PCDHGA4: variants seen among roughly 807,000 people sequenced by gnomAD.
PCDHGA4 encodes the protein protocadherin gamma-A4.
In PCDHGA4, 38 loss-of-function variants were observed where a neutral mutation model predicts 54.6. The ratio of observed to expected loss-of-function variants is 0.70; its 90% confidence interval spans 0.54 to 0.91. The LOEUF (loss-of-function observed/expected upper bound fraction) is 0.91. Among genes scored for constraint, PCDHGA4 ranks in the 40% least tolerant of loss-of-function variants. PCDHGA4 has a pLI of 0.00. For synonymous variants in PCDHGA4, 511 were observed against 512.9 expected (o/e 1.00, Z 0.05); for missense variants, 1,298 against 1,220.9 (o/e 1.06, Z -0.94).
intron 1 of PCDHGA4, among the ~76,000 whole-genome samples, chr5:141,406,837 CA>C (rs1174898109): frequency 6.6e-6 from 1 of 152,170 alleles, no homozygotes; most frequent in Non-Finnish European, 1.5e-5. Flanking sequence ...ACTTGCATAT[CA>C]GATATAATTT....
At chr5:141,469,314 C>A (rs982242861) in intron 1 of PCDHGA4, among the ~76,000 whole-genome samples, 1 of 151,982 alleles carries the variant, frequency 6.6e-6, no homozygotes, top group Non-Finnish European at 1.5e-5. Flanking sequence ...CGATGGCTCA[C>A]GCCTGTAATC....
Position 141,486,274 on chromosome 5 carries a change from T to A in PCDHGA4, c.2515-8533T>A. On this transcript the variant is annotated intron_variant, in intron 1 of 3. Coordinates refer to ENST00000571252, the MANE Select transcript of PCDHGA4 (RefSeq NM_018917.4). The surrounding 1 kb of genome is among the most constrained non-coding windows in gnomAD (Gnocchi z 5.0). ...TCCCCGAGAGTGCAGAACCTGGCAC[T>A]GTGGTGGCACTTATCAGTGTGCAGG... is the stretch of plus-strand genomic sequence containing the variant. 5 of 1,614,064 alleles carry A rather than the reference T, an allele frequency of 3.1e-6. No homozygotes were observed. The highest frequency in any genetic ancestry group is 4.2e-6 in the Non-Finnish European group (5 of 1,179,998).
chr5:141,378,155 T>C (rs1471483193), intron 1 of PCDHGA4: 1 of 152,258 alleles, frequency 6.6e-6, no homozygotes, highest in Non-Finnish European at 1.5e-5. Flanking sequence ...AATTATTGGG[T>C]TGTTAACAAT....
chr5:141,409,824 C>T (rs1265260597), intron 1 of PCDHGA4: 1 of 1,610,860 alleles, frequency 6.2e-7, no homozygotes, highest in Non-Finnish European at 8.5e-7. Flanking sequence ...GGCTCGCCCA[C>T]GCTCAGCGCC....
chr5:141,477,059 A>G lies in PCDHGA4; in HGVS notation c.2515-17748A>G. On this transcript the variant is annotated intron_variant, in intron 1 of 3. Coordinates refer to ENST00000571252, the MANE Select transcript of PCDHGA4 (RefSeq NM_018917.4). This position sits in a 1 kb window ranked among gnomAD's most constrained non-coding sequence, Gnocchi z 4.9. ...CAAGGGTCGGCTGGACTTCGAGGAC[A>G]CCAAACTCCATGAGATTTACATCCA... The G allele has an allele frequency of 1.2e-6, 2 of 1,614,238 alleles. No individual in the cohort carries two copies. Among genetic ancestry groups the G allele is most frequent in the Non-Finnish European group, 1.7e-6 (2 of 1,180,036 alleles).
rs756549446 is a variant in PCDHGA4 at position 141,477,301 on chromosome 5, C to G, written c.2515-17506C>G. 32 of 1,614,042 alleles carry G rather than the reference C, an allele frequency of 2.0e-5. 2 individuals carry two copies. In the South Asian group the frequency reaches 3.4e-4, roughly 17 times the overall value. On this transcript the variant is annotated intron_variant, in intron 1 of 3. Coordinates refer to ENST00000571252, the MANE Select transcript of PCDHGA4 (RefSeq NM_018917.4). The surrounding 1 kb of genome is among the most constrained non-coding windows in gnomAD (Gnocchi z 4.9). The stretch of plus-strand genomic sequence containing the variant: ...TGACCTGCGAAGTTCCACCGGGTCT[C>G]CCTTTCAGCCTTACTTCTTCCCTCA...
chr5:141,477,245 A>G lies in PCDHGA4; in HGVS notation c.2515-17562A>G. On this transcript the variant is annotated intron_variant, in intron 1 of 3. Transcript: ENST00000571252. The surrounding 1 kb of genome is among the most constrained non-coding windows in gnomAD (Gnocchi z 4.9). ...GACTGTCATCGCTTTGCTCAGTGTG[A>G]CTGACCTGGATGCTGGCGAGAACGG... 3.7e-6 allele frequency: 6 copies of G among 1,614,128 alleles called. No homozygotes were observed. The highest frequency in any genetic ancestry group is 5.1e-6 in the Non-Finnish European group (6 of 1,180,026).
At chr5:141,372,180 G>C in intron 1 of PCDHGA4, 1 of 1,613,652 alleles carries the variant, frequency 6.2e-7, no homozygotes, top group South Asian at 1.1e-5. Flanking sequence ...GGCGGTGGAC[G>C]CAGACTCGGG....
chr5:141,472,980 C>CAAAAAAAAAAAAAAAAAGAAAAAAAAA (rs2099309731), intron 1 of PCDHGA4, among the ~76,000 whole-genome samples: 1 of 86,106 alleles, frequency 1.2e-5, no homozygotes, highest in Non-Finnish European at 2.5e-5. Flanking sequence ...GAGTGAAACT[C>CAAAAAAAAAAAAAAAAAGAAAAAAAAA]AAAAAAAAAA....
intron 1 of PCDHGA4, 113 bp downstream of exon 1, chr5:141,357,734 T>G: frequency 7.5e-7 from 1 of 1,340,180 alleles, no homozygotes. Context: ...TTTAATATTT[T>G]ATTGCTTTAA....
At chr5:141,372,782 G>A (rs761699184) in intron 1 of PCDHGA4, 19 of 1,608,122 alleles carry the variant, frequency 1.2e-5, no homozygotes, top group African/African-American at 5.3e-5. Flanking sequence ...ATCCAGAAAT[G>A]CCTTCTAATT....
rs779949817 is a variant in PCDHGA4 at position 141,487,266 on chromosome 5, T to G, written c.2515-7541T>G. The G allele has an allele frequency of 6.2e-7, 1 of 1,614,054 alleles. No individual in the cohort carries two copies. The highest frequency in any genetic ancestry group is 8.5e-7 in the Non-Finnish European group (1 of 1,180,044). On this transcript the variant is annotated intron_variant, in intron 1 of 3. Transcript: ENST00000571252. This position sits in a 1 kb window ranked among gnomAD's most constrained non-coding sequence, Gnocchi z 5.0. The stretch of plus-strand genomic sequence containing the variant: ...ACCCTCTACTTGGCTGTGTCCCTAG[T>G]GGCAATTTGCTTTGTCTCCTTTGGC...
chr5:141,355,264 G>A lies in PCDHGA4; in HGVS notation c.157G>A (p.Val53Ile), dbSNP rs201894028. The A allele has an allele frequency of 1.2e-5, 19 of 1,613,482 alleles. No homozygotes were observed. Among genetic ancestry groups the A allele is most frequent in the African/African-American group, 9.3e-5 (7 of 74,932 alleles). ...RLLQICLLLG[V>I]LVEIRAEQIL... ...GCTCCAGATCTGCCTTCTCCTGGGG[G>A]TTCTGGTGGAAATCAGGGCCGAACA... is the stretch of plus-strand genomic sequence containing the variant. Residue 53 changes from valine to isoleucine, a missense_variant, in exon 1 of 4, where the codon GTT becomes ATT. Transcript: ENST00000571252.
chr5:141,504,077 G>A (rs939470644), intron 2 of PCDHGA4, among the ~76,000 whole-genome samples: 3 of 152,124 alleles, frequency 2.0e-5, no homozygotes, highest in Non-Finnish European at 2.9e-5. Context: ...GCCAGATGGT[G>A]CCAAACAGTT....
In PCDHGA4 at chr5:141,489,504, A is replaced by G. The variant is rs148241772; in HGVS notation, c.2515-5303A>G. 193 of 1,614,016 alleles carry G rather than the reference A, an allele frequency of 1.2e-4. No individual in the cohort carries two copies. Among genetic ancestry groups the G allele is most frequent in the Non-Finnish European group, 1.6e-4 (184 of 1,180,046 alleles). On this transcript the variant is annotated intron_variant, in intron 1 of 3. Transcript: ENST00000571252. The surrounding 1 kb of genome is among the most constrained non-coding windows in gnomAD (Gnocchi z 4.5). ...TGAGTGGTGCCCTGGCAGTGAATCA[A>G]AAGATTGACCGAGAAAGCCTATGTG...
rs1001719735 is a variant in PCDHGA4 at position 141,512,055 on chromosome 5, TGAC to T, written c.*883_*885del. 10 of 152,698 alleles carry T rather than the reference TGAC, an allele frequency of 6.5e-5. No homozygotes were observed. The highest frequency in any genetic ancestry group is 1.4e-4 in the African/African-American group (6 of 41,450). 9.5% of individuals were successfully genotyped at this position (152,698 alleles called of 1,614,324 possible). On this transcript the variant is annotated 3_prime_UTR_variant, in exon 4 of 4. Coordinates refer to ENST00000571252, the MANE Select transcript of PCDHGA4 (RefSeq NM_018917.4). ...GAGGCTCTGTATGTCCTCAGGGGACTGACAACATCCTCCAGATTCCAGCCATAA... is the reference window on the plus strand; with the variant it reads ...GAGGCTCTGTATGTCCTCAGGGGACTAACATCCTCCAGATTCCAGCCATAA...
At chr5:141,366,687 A>C in intron 1 of PCDHGA4, 1 of 1,614,248 alleles carries the variant, frequency 6.2e-7, no homozygotes, top group Non-Finnish European at 8.5e-7. Context: ...GAGAGCTGTG[A>C]GAAAAGCGAG....
chr5:141,389,787 G>A, intron 1 of PCDHGA4: 1 of 1,613,328 alleles, frequency 6.2e-7, no homozygotes, highest in Non-Finnish European at 8.5e-7. Flanking sequence ...CGACAGGGAC[G>A]CCGTCCGCCA....
At chr5:141,394,071 A>G (rs953618981) in intron 1 of PCDHGA4, 1 of 1,613,908 alleles carries the variant, frequency 6.2e-7, no homozygotes, top group Non-Finnish European at 8.5e-7. Context: ...TATCTACAAT[A>G]TCACAGTGAT....
Sources: gnomAD v4.1 joint callset for allele counts (sites outside exome capture counted in the v4.1 genomes callset) on GRCh38, gnomAD v4.1.1 for gene constraint, Gnocchi (gnomAD v3.1) non-coding constraint, MANE v1.5 for transcripts, NCBI Gene and HGNC (gene_info 2026-07-23, HGNC 2026-07-21) for gene names.